The following LASP1 variants were observed in gnomAD, a reference collection of about 807,000 sequenced individuals.
LASP1 encodes LIM and SH3 protein 1.
Under a neutral mutation model 38.6 loss-of-function variants are expected in LASP1, and 10 were observed. The ratio of observed to expected loss-of-function variants is 0.26; its 90% CI spans 0.16 to 0.44. The LOEUF is 0.44. Among genes scored for constraint, LASP1 ranks in the 20% least tolerant of loss-of-function variants. The pLI is 1.00. For missense variants in LASP1, 243 were observed against 375.7 expected, an observed-to-expected ratio of 0.65 and a Z score of 2.92; for synonymous variants, 132 against 140.8, an observed-to-expected ratio of 0.94 and a Z score of 0.44.
chr17:38,899,574 C>T (rs548781605), intron 4 of LASP1, among the ~76,000 whole-genome samples: 10 of 152,296 alleles, frequency 6.6e-5, no homozygotes, highest in Non-Finnish European at 5.9e-5. Context: ...AGGCAGCCCA[C>T]AGACAGCAGA....
intron 5 of LASP1, 101 bp from the exon 6 acceptor site, chr17:38,914,942 G>C (rs779987370): frequency 9.6e-7 from 1 of 1,036,808 alleles, no homozygotes; most frequent in Non-Finnish European, 1.5e-6. Context: ...GAGCCAGGTT[G>C]GGGGCGGGGT....
chr17:38,914,730 A>G (rs1598122668), intron 5 of LASP1, among the ~76,000 whole-genome samples: 2 of 151,544 alleles, frequency 1.3e-5, no homozygotes, highest in East Asian at 3.9e-4. Flanking sequence ...GCACGCATGC[A>G]GGCGAGGAAA....
intron 4 of LASP1, among the ~76,000 whole-genome samples, chr17:38,911,767 T>G (rs1225496377): frequency 6.6e-6 from 1 of 151,126 alleles, no homozygotes; most frequent in Non-Finnish European, 1.5e-5. Context: ...GAGATATGTA[T>G]GTGAGGCTTT....
At chr17:38,885,467 C>G (rs148997202) in intron 2 of LASP1, among the ~76,000 whole-genome samples, 42 of 152,334 alleles carry the variant, frequency 2.8e-4, no homozygotes, top group African/African-American at 9.6e-4. Flanking sequence ...TCTTCCTGTC[C>G]TACATGCCTC....
chr17:38,921,744 A>T lies in LASP1; in HGVS notation c.*2966A>T, dbSNP rs1195120767. The T allele has an allele frequency of 4.5e-6, 1 of 223,860 alleles. No homozygotes were observed. Among genetic ancestry groups the T allele is most frequent in the Non-Finnish European group, 8.9e-6 (1 of 112,200 alleles). The allele number at this position is 223,860 out of a possible 1,614,324, so 13.9% of individuals were successfully genotyped here. ...AGTGAATCTTTCTCCTGGTGACTCAAATAAAAGTATAATTTTTACCTGCGG... is the reference window on the plus strand; with the variant it reads ...AGTGAATCTTTCTCCTGGTGACTCATATAAAAGTATAATTTTTACCTGCGG... On this transcript the variant is annotated 3_prime_UTR_variant, in exon 7 of 7. Transcript: ENST00000318008.
intron 6 of LASP1, among the ~76,000 whole-genome samples, chr17:38,917,960 G>A (rs543866569): frequency 6.6e-6 from 1 of 152,162 alleles, no homozygotes; most frequent in African/African-American, 2.4e-5. Context: ...CCAACATGAT[G>A]AAACCCTGTC....
At position 38,892,586 on chromosome 17, in the gene LASP1, A is replaced by ACC. The variant is rs1567698975; in HGVS notation, c.249+2083_249+2084insCC. On this transcript the variant is annotated intron_variant, in intron 3 of 6. Coordinates refer to ENST00000318008, the MANE Select transcript of LASP1 (RefSeq NM_006148.4). ...CACACACACACACACACACACACAC[A>ACC]CACACCCTTCTCAGGGGAGAAATTC... Among the ~76,000 whole-genome samples the ACC allele has an allele frequency of 2.7e-5, 4 of 147,452 alleles. 1 individual carries two copies. Among genetic ancestry groups the ACC allele is most frequent in the Middle Eastern group, 6.8e-3 (2 of 294 alleles).
rs112138130 is a variant in LASP1 at position 38,914,982 on chromosome 17, C to G, written c.509-61C>G. On this transcript the variant is annotated intron_variant, in intron 5 of 6. Coordinates refer to ENST00000318008, the MANE Select transcript of LASP1 (RefSeq NM_006148.4). ...GTGCATGGTATGGACTTCTCGGGAGCTCTGGGAGGGGCTGGGTTTGGCAGG... is the reference window on the plus strand; with the variant it reads ...GTGCATGGTATGGACTTCTCGGGAGGTCTGGGAGGGGCTGGGTTTGGCAGG... 76 of 1,523,820 alleles carry G rather than the reference C, an allele frequency of 5.0e-5. 1 individual carries two copies. In the African/African-American group the frequency reaches 6.0e-4, roughly 12 times the overall value. 94.4% of individuals were successfully genotyped at this position (1,523,820 alleles called of 1,614,324 possible). A position where few individuals can be genotyped will look rare whatever the true frequency, so the allele number is the denominator to read the frequency against.
At chr17:38,875,441 C>T (rs1190929890) in intron 1 of LASP1, among the ~76,000 whole-genome samples, 1 of 152,002 alleles carries the variant, frequency 6.6e-6, no homozygotes, top group African/African-American at 2.4e-5. Flanking sequence ...GGTTATGCAC[C>T]AGAAGGAGTC....
intron 3 of LASP1, 50 bp downstream of exon 3, chr17:38,890,554 G>C: frequency 6.4e-7 from 1 of 1,555,220 alleles, no homozygotes; most frequent in Non-Finnish European, 8.8e-7. Context: ...TGCTGGGGAG[G>C]GAAGTTGTAA....
chr17:38,871,704 T>C (rs1159599679), intron 1 of LASP1, among the ~76,000 whole-genome samples: 1 of 152,084 alleles, frequency 6.6e-6, no homozygotes, highest in Non-Finnish European at 1.5e-5. Flanking sequence ...CTGAAAGATA[T>C]TTGAACTTGC....
At chr17:38,903,500 C>T (rs1225150467) in intron 4 of LASP1, among the ~76,000 whole-genome samples, 1 of 152,016 alleles carries the variant, frequency 6.6e-6, no homozygotes, top group African/African-American at 2.4e-5. Context: ...GCTGGTACTA[C>T]AGGCATATAG....
intron 6 of LASP1, 73 bp downstream of exon 6, chr17:38,915,219 G>A (rs754171074): frequency 2.5e-6 from 3 of 1,212,968 alleles, no homozygotes; most frequent in South Asian, 2.5e-5. Context: ...ACAGCTCATG[G>A]ATTCTCCTGA....
chr17:38,919,652 T>C lies in LASP1; in HGVS notation c.*874T>C, dbSNP rs1915242401. ...AGGGCAAGGGTGCCTCAGGACCTTT[T>C]GGTCTTCAGCCTCCCTCAGCCCCCA... On this transcript the variant is annotated 3_prime_UTR_variant, in exon 7 of 7. Transcript: ENST00000318008. 1 of 329,114 alleles carries C rather than the reference T, an allele frequency of 3.0e-6. No homozygotes were observed. Among genetic ancestry groups the C allele is most frequent in the Non-Finnish European group, 5.8e-6 (1 of 171,228 alleles). The allele number at this position is 329,114 out of a possible 1,614,324, so 20.4% of individuals were successfully genotyped here.
intron 4 of LASP1, chr17:38,898,897 C>T (rs117070926): frequency 0.024 from 9,030 of 381,538 alleles, 161 homozygotes; most frequent in Non-Finnish European, 0.038. Flanking sequence ...CCCTGGTCTG[C>T]GCCTGGGTGC....
At chr17:38,909,644 C>T (rs1299875500) in intron 4 of LASP1, among the ~76,000 whole-genome samples, 2 of 151,956 alleles carry the variant, frequency 1.3e-5, no homozygotes, top group African/African-American at 2.4e-5. Flanking sequence ...AGGATAGAGC[C>T]CACTAGGGGT....
intron 2 of LASP1, among the ~76,000 whole-genome samples, chr17:38,888,886 C>A (rs1007840757): frequency 6.6e-6 from 1 of 151,984 alleles, no homozygotes; most frequent in African/African-American, 2.4e-5. Context: ...TTCCTGGGGA[C>A]CAGGCTGTGC....
At chr17:38,872,660 C>T (rs2143719033) in intron 1 of LASP1, among the ~76,000 whole-genome samples, 1 of 152,276 alleles carries the variant, frequency 6.6e-6, no homozygotes, top group Admixed American at 6.5e-5. Flanking sequence ...GCTTCAGTCC[C>T]ATAGTTGCTA....
intron 2 of LASP1, among the ~76,000 whole-genome samples, chr17:38,886,816 T>C (rs1914154919): frequency 6.6e-6 from 1 of 152,090 alleles, no homozygotes; most frequent in Non-Finnish European, 1.5e-5. Flanking sequence ...GTGCAGTGTG[T>C]GTAGGAACTT....
Sources: allele counts gnomAD v4.1 joint callset (sites outside exome capture counted in the v4.1 genomes callset), GRCh38; gene constraint gnomAD v4.1.1; transcripts MANE v1.5; gene names NCBI Gene and HGNC (gene_info 2026-07-23, HGNC 2026-07-21).